APP: variants seen among roughly 807,000 people sequenced by gnomAD.
APP encodes the protein amyloid beta precursor protein.
A neutral mutation model predicts 101.4 loss-of-function variants in APP; 31 were observed. The observed-to-expected ratio is 0.31, with a 90% CI of 0.23 to 0.41. The LOEUF is 0.41. Among genes scored for constraint, APP ranks in the 10% least tolerant of loss-of-function variants. APP has a pLI of 1.00. For synonymous variants in APP, 366 were observed against 364.4 expected (o/e 1.00, Z -0.05); for missense variants, 839 against 1,003.7 (o/e 0.84, Z 2.22).
chr21:26,025,273 T>C (rs1027866197), intron 5 of APP, among the ~76,000 whole-genome samples: 6 of 152,262 alleles, frequency 3.9e-5, no homozygotes, highest in African/African-American at 1.2e-4. Flanking sequence ...AAAGATGACC[T>C]GATGCATGTC....
chr21:26,112,327 C>CTA, intron 1 of APP, among the ~76,000 whole-genome samples, 181 bp from the exon 2 acceptor site: 1 of 152,164 alleles, frequency 6.6e-6, no homozygotes, highest in East Asian at 1.9e-4. Flanking sequence ...TCTTAGCCAC[C>CTA]TATAAGGCAA....
intron 11 of APP, among the ~76,000 whole-genome samples, chr21:25,968,779 C>A (rs1368509241): frequency 6.6e-6 from 1 of 152,130 alleles, no homozygotes; most frequent in African/African-American, 2.4e-5. Flanking sequence ...CCCGTGTTTG[C>A]AAAGTCTGAG....
chr21:26,138,979 G>A (rs2062982031), intron 1 of APP, among the ~76,000 whole-genome samples: 1 of 152,086 alleles, frequency 6.6e-6, no homozygotes, highest in African/African-American at 2.4e-5. Context: ...AGACTGGCGG[G>A]GTGGGGCGGG....
chr21:26,026,024 A>T (rs1183521394), intron 5 of APP, among the ~76,000 whole-genome samples: 1 of 152,184 alleles, frequency 6.6e-6, no homozygotes, highest in Non-Finnish European at 1.5e-5. Flanking sequence ...CTTTTCCACC[A>T]CTTCTTCAAA....
intron 8 of APP, among the ~76,000 whole-genome samples, chr21:25,995,736 C>T (rs1424474842): frequency 6.6e-6 from 1 of 152,118 alleles, no homozygotes; most frequent in Non-Finnish European, 1.5e-5. Context: ...ATGCTTTTTT[C>T]ACAACAGCAA....
Position 26,044,333 on chromosome 21 carries a change from G to A in APP, c.662+6667C>T, listed in dbSNP as rs111861060. Among the ~76,000 whole-genome samples the A allele has an allele frequency of 2.7e-3, 407 of 152,224 alleles. 4 individuals carry two copies. The highest frequency in any genetic ancestry group is 9.4e-3 in the African/African-American group (390 of 41,536). ...AAAGCATGATAAAAAGAAGTCTGGAGACTCACTGAATATAGTCAAAAATCA... is the reference window on the plus strand; with the variant it reads ...AAAGCATGATAAAAAGAAGTCTGGAAACTCACTGAATATAGTCAAAAATCA... On this transcript the variant is annotated intron_variant, in intron 5 of 17. Coordinates refer to ENST00000346798, the MANE Select transcript of APP (RefSeq NM_000484.4).
At chr21:26,064,589 G>A (rs892782462) in intron 3 of APP, among the ~76,000 whole-genome samples, 4 of 152,150 alleles carry the variant, frequency 2.6e-5, no homozygotes, top group African/African-American at 9.7e-5. Flanking sequence ...ACAGGGTAGA[G>A]AGTCCAGTGG....
chr21:25,959,139 C>G (rs1253495894), intron 11 of APP, among the ~76,000 whole-genome samples: 1 of 152,092 alleles, frequency 6.6e-6, no homozygotes, highest in Admixed American at 6.6e-5. Flanking sequence ...AAGCAACTTA[C>G]GAAGTTAAAA....
At chr21:25,975,277 A>T (rs200660348) in intron 10 of APP, 49 bp from the exon 11 acceptor site, 14 of 1,612,462 alleles carry the variant, frequency 8.7e-6, no homozygotes, top group Middle Eastern at 3.3e-4. Context: ...AGTAGGATGA[A>T]GCAGCAATTT....
chr21:26,055,902 G>A (rs987142626), intron 3 of APP, among the ~76,000 whole-genome samples: 8 of 152,196 alleles, frequency 5.3e-5, no homozygotes, highest in African/African-American at 1.7e-4. Context: ...CAGACAGTAA[G>A]TGCCAAACCA....
intron 1 of APP, among the ~76,000 whole-genome samples, chr21:26,124,835 C>T (rs933056890): frequency 1.3e-5 from 2 of 152,200 alleles, no homozygotes; most frequent in Non-Finnish European, 2.9e-5. Context: ...TGGCTTGATG[C>T]CTTATATTCA....
At chr21:26,098,449 T>C (rs2061993706) in intron 2 of APP, among the ~76,000 whole-genome samples, 1 of 152,032 alleles carries the variant, frequency 6.6e-6, no homozygotes. Flanking sequence ...AATGTATATA[T>C]TAAAAAAAAA....
chr21:26,011,604 T>C (rs1349981449), intron 6 of APP, among the ~76,000 whole-genome samples: 1 of 152,032 alleles, frequency 6.6e-6, no homozygotes, highest in Non-Finnish European at 1.5e-5. Context: ...TCAATAGTAC[T>C]AAGGTCCAGA....
rs1055208820 is a variant in APP at position 26,091,395 on chromosome 21, A to C, written c.226-1323T>G. ...CAAATAATTGAAATTAAAATTTTGGAGGAGTTGCAGTGATTGGTCATTGCA... is the reference window on the plus strand; with the variant it reads ...CAAATAATTGAAATTAAAATTTTGGCGGAGTTGCAGTGATTGGTCATTGCA... On this transcript the variant is annotated intron_variant, in intron 2 of 17. Transcript: ENST00000346798. Among the ~76,000 whole-genome samples the C allele has an allele frequency of 2.0e-5, 3 of 152,148 alleles. 1 individual carries two copies. Among genetic ancestry groups the C allele is most frequent in the Non-Finnish European group, 4.4e-5 (3 of 68,040 alleles).
At chr21:26,071,532 G>A (rs2061410927) in intron 3 of APP, among the ~76,000 whole-genome samples, 1 of 152,208 alleles carries the variant, frequency 6.6e-6, no homozygotes, top group Non-Finnish European at 1.5e-5. Context: ...AAAACTGTGT[G>A]TGATTAATGC....
intron 16 of APP, among the ~76,000 whole-genome samples, chr21:25,894,151 T>A (rs2037876293): frequency 6.6e-6 from 1 of 152,148 alleles, no homozygotes; most frequent in Non-Finnish European, 1.5e-5. Flanking sequence ...AAAAGACTCA[T>A]TTCAAAATAT....
intron 5 of APP, among the ~76,000 whole-genome samples, chr21:26,042,739 C>CA (rs35238316): frequency 0.34 from 50,926 of 151,384 alleles, 8,658 homozygotes; most frequent in South Asian, 0.41. Flanking sequence ...CCTGTCTCTA[C>CA]AAAAAAAATA....
chr21:26,000,132 G>A lies in APP; in HGVS notation c.916C>T (p.Arg306Cys), dbSNP rs2043228928. The part of the protein sequence containing the change: ...ETGPCRAMIS[R>C]WYFDVTEGKC... The stretch of plus-strand genomic sequence containing the variant: ...CCTTCAGTCACATCAAAGTACCAGC[G>A]GGAGATCATTGCTCGGCACGGCCCC... The change falls in exon 7 of 18, where the codon CGC becomes TGC. Residue 306 changes from arginine to cysteine, a missense_variant. Arg to Cys is a radical substitution (Grantham distance 180, BLOSUM62 -3). Coordinates refer to ENST00000346798, the MANE Select transcript of APP (RefSeq NM_000484.4). The A allele has an allele frequency of 9.3e-6, 15 of 1,614,180 alleles. No individual in the cohort carries two copies. The highest frequency in any genetic ancestry group is 1.1e-5 in the South Asian group (1 of 91,084).
intron 13 of APP, among the ~76,000 whole-genome samples, chr21:25,926,374 G>A (rs1405505816): frequency 6.6e-6 from 1 of 152,196 alleles, no homozygotes; most frequent in Non-Finnish European, 1.5e-5. Flanking sequence ...GAACCCATGA[G>A]ATCTTTAAGG....
Sources: allele counts gnomAD v4.1 joint callset (sites outside exome capture counted in the v4.1 genomes callset), GRCh38; gene constraint gnomAD v4.1.1; transcripts MANE v1.5; gene names NCBI Gene and HGNC (gene_info 2026-07-23, HGNC 2026-07-21).